The following SOX6 variants were observed in gnomAD, a reference collection of about 807,000 sequenced individuals.
SOX6 encodes the protein transcription factor SOX-6.
A neutral mutation model predicts 97.8 loss-of-function variants in SOX6; 11 were observed. The observed-to-expected ratio is 0.11, with a 90% CI of 0.07 to 0.19. The LOEUF (loss-of-function observed/expected upper bound fraction) is 0.19. SOX6 is among the 10% of genes least tolerant of loss of function. The pLI, the probability that SOX6 is intolerant of heterozygous loss-of-function variation, is 1.00. For missense variants in SOX6, 810 were observed against 1,039.5 expected, an observed-to-expected ratio of 0.78 and a Z score of 3.04; for synonymous variants, 360 against 371.4, an observed-to-expected ratio of 0.97 and a Z score of 0.35.
Position 16,132,390 on chromosome 11 carries a change from GAAAGAAAGAAAAA to G in SOX6, c.778-20480_778-20468del, listed in dbSNP as rs1564972225. 2.5e-3 allele frequency among the ~76,000 whole-genome samples: 179 copies of G among 71,086 alleles called. 9 individuals are homozygous for G. In the East Asian group the frequency reaches 0.028, roughly 11 times the overall value. The allele number at this position is 71,086 out of a possible 152,430, so 46.6% of individuals were successfully genotyped here. A position where few individuals can be genotyped will look rare whatever the true frequency, so the allele number is the denominator to read the frequency against. On this transcript the variant is annotated intron_variant, in intron 6 of 15. Coordinates refer to ENST00000683767, the MANE Select transcript of SOX6 (RefSeq NM_001367873.1). Reference sequence around the variant, plus strand: ...AGAAAGAAAGAAAGAAAGAAAGAAAGAAAGAAAGAAAAAAGAAAGAAAGAAAGAAAGAAAGAAA... The same window carrying G: ...AGAAAGAAAGAAAGAAAGAAAGAAAGAGAAAGAAAGAAAGAAAGAAAGAAA...
At chr11:16,520,807 C>T (rs141365024) in intron 4 of SOX6, among the ~76,000 whole-genome samples, 175 of 152,348 alleles carry the variant, frequency 1.1e-3, no homozygotes, top group African/African-American at 3.7e-3. Context: ...GCTTAAAAAA[C>T]GGCACACCAG....
chr11:16,306,607 ATTTCTTTTTTTTTTTT>A (rs1855440094), intron 3 of SOX6, among the ~76,000 whole-genome samples: 3 of 126,600 alleles, frequency 2.4e-5, no homozygotes, highest in African/African-American at 5.3e-5. Flanking sequence ...ACATCCTCAA[ATTTCTTTTTTTTTTTT>A]TTTCTTTTTT....
chr11:16,358,241 A>G (rs1206431034), upstream of SOX6, among the ~76,000 whole-genome samples: 1 of 152,182 alleles, frequency 6.6e-6, no homozygotes, highest in African/African-American at 2.4e-5. Flanking sequence ...ACATCAGCAC[A>G]TTACTAATAA....
chr11:16,565,851 C>G (rs1276111591), intron 4 of SOX6, among the ~76,000 whole-genome samples: 6 of 151,950 alleles, frequency 3.9e-5, no homozygotes, highest in Admixed American at 3.9e-4. Flanking sequence ...AATCCCAGCA[C>G]TTTGGGAGGC....
intron 3 of SOX6, among the ~76,000 whole-genome samples, chr11:16,272,145 A>C (rs1854277754): frequency 6.6e-6 from 1 of 151,540 alleles, no homozygotes; most frequent in South Asian, 2.1e-4. Context: ...CCAGGTATAA[A>C]GACCTTTGAT....
intron 3 of SOX6, among the ~76,000 whole-genome samples, chr11:16,295,537 T>G (rs968430362): frequency 6.6e-6 from 1 of 152,050 alleles, no homozygotes; most frequent in East Asian, 1.9e-4. Context: ...AATTCTTACC[T>G]GGACTACAAA....
chr11:16,250,246 C>A (rs190580756), intron 3 of SOX6, among the ~76,000 whole-genome samples: 1 of 150,902 alleles, frequency 6.6e-6, no homozygotes. Flanking sequence ...ATTTTGAGTG[C>A]CATTAAATTT....
intron 4 of SOX6, among the ~76,000 whole-genome samples, chr11:16,597,330 ATGTG>A (rs35921173): frequency 0.26 from 39,609 of 150,428 alleles, 5,931 homozygotes; most frequent in East Asian, 0.53. Context: ...ATGTATGTAT[ATGTG>A]TGTGTGTATA....
intron 4 of SOX6, among the ~76,000 whole-genome samples, chr11:16,490,412 C>T (rs934169855): frequency 1.3e-5 from 2 of 151,930 alleles, no homozygotes; most frequent in Non-Finnish European, 2.9e-5. Context: ...CACTATTTTG[C>T]AAAGTGTGTT....
intron 10 of SOX6, among the ~76,000 whole-genome samples, chr11:16,052,460 T>C (rs1159450693): frequency 6.6e-6 from 1 of 152,202 alleles, no homozygotes; most frequent in Non-Finnish European, 1.5e-5. Flanking sequence ...TCCAGCTTTA[T>C]AGGTGATTTT....
intron 3 of SOX6, among the ~76,000 whole-genome samples, chr11:16,619,269 A>T (rs1360966104): frequency 6.6e-6 from 1 of 151,244 alleles, no homozygotes; most frequent in Non-Finnish European, 1.5e-5. Context: ...ACTAAAAATC[A>T]CTGATGTTTG....
intron 3 of SOX6, among the ~76,000 whole-genome samples, chr11:16,270,971 T>C (rs1854241929): frequency 6.6e-6 from 1 of 151,378 alleles, no homozygotes; most frequent in Admixed American, 6.6e-5. Context: ...ATGAATGTAA[T>C]TAAGAGTAAT....
intron 3 of SOX6, among the ~76,000 whole-genome samples, chr11:16,302,677 C>A (rs1236840469): frequency 7.2e-6 from 1 of 139,556 alleles, no homozygotes; most frequent in Non-Finnish European, 1.5e-5. Context: ...TCACGTGATT[C>A]TCCTGCCACA....
At chr11:16,563,439 T>G (rs572717581) in intron 4 of SOX6, among the ~76,000 whole-genome samples, 32 of 152,192 alleles carry the variant, frequency 2.1e-4, no homozygotes, top group African/African-American at 7.2e-4. Flanking sequence ...AGTGAGACCC[T>G]GTCACTATTT....
At chr11:15,993,336 C>A (rs1158332017) in intron 13 of SOX6, among the ~76,000 whole-genome samples, 1 of 152,232 alleles carries the variant, frequency 6.6e-6, no homozygotes, top group East Asian at 1.9e-4. Context: ...TCTTAAATAG[C>A]CAGTAGTCTG....
intron 9 of SOX6, among the ~76,000 whole-genome samples, chr11:16,057,702 G>A (rs1026861049): frequency 6.6e-6 from 1 of 152,118 alleles, no homozygotes; most frequent in African/African-American, 2.4e-5. Context: ...CCTGAGAAAG[G>A]TGAATGTGAG....
intron 11 of SOX6, among the ~76,000 whole-genome samples, chr11:16,049,388 T>C (rs190655058): frequency 6.6e-6 from 1 of 152,264 alleles, no homozygotes; most frequent in Admixed American, 6.5e-5. Flanking sequence ...TACACTTTGA[T>C]AGAAGATAAA....
chr11:16,388,385 T>A (rs971002475), intron 1 of SOX6, among the ~76,000 whole-genome samples: 4 of 152,136 alleles, frequency 2.6e-5, no homozygotes, highest in African/African-American at 9.7e-5. Flanking sequence ...TTCTTTCTTA[T>A]AATTTTTTCA....
chr11:16,159,330 T>C (rs1180194197), intron 6 of SOX6, among the ~76,000 whole-genome samples: 1 of 152,134 alleles, frequency 6.6e-6, no homozygotes, highest in African/African-American at 2.4e-5. Context: ...AGGATAAATA[T>C]TACTGTTTCT....
Sources: gnomAD v4.1 joint callset for allele counts (sites outside exome capture counted in the v4.1 genomes callset) on GRCh38, gnomAD v4.1.1 for gene constraint, MANE v1.5 for transcripts, NCBI Gene and HGNC (gene_info 2026-07-23, HGNC 2026-07-21) for gene names.